VAV1: variants seen among roughly 807,000 people sequenced by gnomAD.
VAV1 encodes vav guanine nucleotide exchange factor 1, also known as proto-oncogene vav.
A neutral mutation model predicts 128.1 loss-of-function variants in VAV1; 33 were observed. The observed-to-expected ratio is 0.26, with a 90% CI of 0.20 to 0.34. VAV1 has a LOEUF of 0.34. Among genes scored for constraint, VAV1 ranks in the 10% least tolerant of loss-of-function variants. The probability of loss-of-function intolerance (pLI) is 1.00; values close to 1 mark genes in which losing one functional copy is unlikely to be tolerated. For missense variants in VAV1, 715 were observed against 1,093.7 expected, an observed-to-expected ratio of 0.65 and a Z score of 4.88; for synonymous variants, 394 against 409.8, an observed-to-expected ratio of 0.96 and a Z score of 0.47.
intron 1 of VAV1, among the ~76,000 whole-genome samples, chr19:6,816,143 C>T (rs1161218491): frequency 6.6e-6 from 1 of 151,878 alleles, no homozygotes; most frequent in Admixed American, 6.6e-5. Flanking sequence ...CCTCAGCCTC[C>T]CGAGTAGCTG....
chr19:6,838,097 GTCTA>G (rs151241479), intron 21 of VAV1, among the ~76,000 whole-genome samples: 8,374 of 146,560 alleles, frequency 0.057, 353 homozygotes, highest in African/African-American at 0.11. Context: ...CTGTCTGTCT[GTCTA>G]TCTATCTATC....
chr19:6,855,318 C>A (rs895528096), intron 26 of VAV1, among the ~76,000 whole-genome samples: 2 of 152,154 alleles, frequency 1.3e-5, no homozygotes, highest in African/African-American at 2.4e-5. Context: ...CAGTGGAGGA[C>A]AATTAGGCTT....
At chr19:6,786,611 C>T (rs892644303) in intron 1 of VAV1, among the ~76,000 whole-genome samples, 1 of 152,034 alleles carries the variant, frequency 6.6e-6, no homozygotes, top group African/African-American at 2.4e-5. Flanking sequence ...GGCAAAACCC[C>T]ATCTCTATAA....
intron 19 of VAV1, among the ~76,000 whole-genome samples, chr19:6,834,401 G>T (rs373030484): frequency 4.0e-5 from 6 of 151,278 alleles, no homozygotes; most frequent in African/African-American, 1.5e-4. Flanking sequence ...ATGTCACCAC[G>T]CTCGGCTAAT....
intron 1 of VAV1, among the ~76,000 whole-genome samples, chr19:6,792,120 G>A (rs1599626763): frequency 6.6e-6 from 1 of 152,230 alleles, no homozygotes; most frequent in East Asian, 1.9e-4. Context: ...GGGAGGTTGA[G>A]GCAGGAAGAT....
chr19:6,774,428 T>A (rs1209084616), intron 1 of VAV1, among the ~76,000 whole-genome samples: 2 of 82,612 alleles, frequency 2.4e-5, no homozygotes, highest in East Asian at 5.2e-4. Flanking sequence ...GCGCCCAGCC[T>A]TTTTTTTTTT....
At chr19:6,801,553 C>T (rs1479845845) in intron 1 of VAV1, among the ~76,000 whole-genome samples, 1 of 152,166 alleles carries the variant, frequency 6.6e-6, no homozygotes, top group Non-Finnish European at 1.5e-5. Flanking sequence ...CCCGCCCTCT[C>T]TGGGAACCCT....
intron 23 of VAV1, among the ~76,000 whole-genome samples, chr19:6,848,444 T>G (rs912575647): frequency 2.6e-5 from 4 of 151,960 alleles, no homozygotes; most frequent in African/African-American, 9.7e-5. Context: ...AGAGTCCCTT[T>G]GTCGCCCAGG....
Position 6,832,023 on chromosome 19 carries a change from G to A in VAV1, c.1399-68G>A, listed in dbSNP as rs1034825616. 8.1e-6 allele frequency: 11 copies of A among 1,357,178 alleles called. No individual in the cohort carries two copies. The Admixed American group carries it at 1.9e-4, about 24-fold the overall frequency. 84.1% of individuals were successfully genotyped at this position (1,357,178 alleles called of 1,614,324 possible). ...TTGCCTGTTCCCTACAGAGGGAGGGGTGGGTGGGTGTGTGCTCCCACCCTC... is the reference window on the plus strand; with the variant it reads ...TTGCCTGTTCCCTACAGAGGGAGGGATGGGTGGGTGTGTGCTCCCACCCTC... On this transcript the variant is annotated intron_variant, in intron 14 of 26. Transcript: ENST00000602142.
intron 19 of VAV1, 67 bp from the exon 20 acceptor site, chr19:6,836,365 G>T: frequency 6.4e-7 from 1 of 1,553,750 alleles, no homozygotes; most frequent in South Asian, 1.2e-5. Flanking sequence ...CCATTCTCGT[G>T]GGTGGCAAGA....
chr19:6,775,991 T>C, intron 1 of VAV1, among the ~76,000 whole-genome samples: 1 of 152,154 alleles, frequency 6.6e-6, no homozygotes, highest in East Asian at 1.9e-4. Flanking sequence ...AACATATTCA[T>C]CCATCCGTTC....
chr19:6,834,982 G>A lies in VAV1; in HGVS notation c.1777+1029G>A, dbSNP rs139820534. 9.9e-5 allele frequency among the ~76,000 whole-genome samples: 15 copies of A among 151,760 alleles called. No individual in the cohort carries two copies. In the East Asian group the frequency reaches 2.9e-3, roughly 29 times the overall value. ...TGCTTGAGCCCAGGAGTTCAAGGTTGCAGTGAGCCATGATCACGCCACTGC... is the reference window on the plus strand; with the variant it reads ...TGCTTGAGCCCAGGAGTTCAAGGTTACAGTGAGCCATGATCACGCCACTGC... On this transcript the variant is annotated intron_variant, in intron 19 of 26. Coordinates refer to ENST00000602142, the MANE Select transcript of VAV1 (RefSeq NM_005428.4).
intron 23 of VAV1, among the ~76,000 whole-genome samples, 195 bp downstream of exon 23, chr19:6,848,309 C>T (rs1972575210): frequency 6.6e-6 from 1 of 152,132 alleles, no homozygotes; most frequent in South Asian, 2.1e-4. Flanking sequence ...AGATATGATT[C>T]CTATAGAGGC....
At chr19:6,825,143 C>T (rs1386002798) in intron 7 of VAV1, 22 bp downstream of exon 7, 1 of 1,608,236 alleles carries the variant, frequency 6.2e-7, no homozygotes, top group East Asian at 2.2e-5. Flanking sequence ...GATCCCCAGC[C>T]CTCTTGGGTC....
chr19:6,822,581 A>T lies in VAV1; in HGVS notation c.654+67A>T. On this transcript the variant is annotated intron_variant, in intron 6 of 26. Coordinates refer to ENST00000602142, the MANE Select transcript of VAV1 (RefSeq NM_005428.4). The surrounding 1 kb of genome is among the most constrained non-coding windows in gnomAD (Gnocchi z 5.9). The stretch of plus-strand genomic sequence containing the variant: ...GAGCTGGGCCGGCAGGTGCACGTCC[A>T]CCTGTCCGGCCGCTCTGGGCAGCTG... 2 of 1,421,988 alleles carry T rather than the reference A, an allele frequency of 1.4e-6. No homozygotes were observed. Among genetic ancestry groups the T allele is most frequent in the South Asian group, 2.5e-5 (2 of 80,660 alleles). The allele number at this position is 1,421,988 out of a possible 1,614,324, so 88.1% of individuals were successfully genotyped here.
chr19:6,828,582 G>A lies in VAV1; in HGVS notation c.1093-40G>A. The A allele has an allele frequency of 1.2e-6, 2 of 1,613,540 alleles. No homozygotes were observed. The highest frequency in any genetic ancestry group is 1.7e-6 in the Non-Finnish European group (2 of 1,179,602). ...CCGGGATTAGGTAGGAGCCTGGGTC[G>A]GCTGTTGGGGGGCCAGGTTCACCCC... On this transcript the variant is annotated intron_variant, in intron 11 of 26. Transcript: ENST00000602142. The surrounding 1 kb of genome is among the most constrained non-coding windows in gnomAD (Gnocchi z 4.5).
chr19:6,834,086 C>A, intron 19 of VAV1, 133 bp downstream of exon 19: 1 of 1,326,216 alleles, frequency 7.5e-7, no homozygotes, highest in East Asian at 2.5e-5. Context: ...CCTGTAATCC[C>A]AACAATTTGG....
intron 1 of VAV1, 86 bp downstream of exon 1, chr19:6,773,097 C>T: frequency 1.3e-6 from 2 of 1,527,426 alleles, no homozygotes; most frequent in Admixed American, 3.4e-5. Context: ...CGTGCTGCTC[C>T]ACCTCTGGGC....
intron 24 of VAV1, among the ~76,000 whole-genome samples, chr19:6,852,742 A>G (rs1026195251): frequency 1.2e-4 from 18 of 151,410 alleles, no homozygotes; most frequent in South Asian, 2.1e-4. Context: ...AAAAAGAAAG[A>G]AAGAACCTGT....
Sources: allele counts gnomAD v4.1 joint callset (sites outside exome capture counted in the v4.1 genomes callset), GRCh38; gene constraint gnomAD v4.1.1; non-coding constraint Gnocchi (gnomAD v3.1); transcripts MANE v1.5; gene names NCBI Gene and HGNC (gene_info 2026-07-23, HGNC 2026-07-21).